CATSPERB: variants seen among roughly 807,000 people sequenced by gnomAD.
CATSPERB encodes the protein catsper channel auxiliary subunit beta, also known as cation channel sperm-associated auxiliary subunit beta.
CATSPERB carries 93 observed loss-of-function variants against 128.3 expected under a neutral mutation model. The ratio of observed to expected loss-of-function variants is 0.72; its 90% CI spans 0.61 to 0.86. The LOEUF is 0.86. Among genes scored for constraint, CATSPERB ranks in the 40% least tolerant of loss-of-function variants. The pLI is 0.00. For synonymous variants in CATSPERB, 381 were observed against 448.8 expected (o/e 0.85, Z 1.91); for missense variants, 1,153 against 1,329.5 (o/e 0.87, Z 2.06).
At chr14:91,639,853 A>G (rs1894459493) in intron 15 of CATSPERB, among the ~76,000 whole-genome samples, 1 of 152,158 alleles carries the variant, frequency 6.6e-6, no homozygotes, top group Non-Finnish European at 1.5e-5. Flanking sequence ...TAATTTCTGC[A>G]CACTGCATCC....
chr14:91,716,292 A>C (rs1895937058), intron 5 of CATSPERB, among the ~76,000 whole-genome samples: 1 of 152,216 alleles, frequency 6.6e-6, no homozygotes, highest in South Asian at 2.1e-4. Flanking sequence ...GAAAAATGCA[A>C]ATTAAAACCA....
chr14:91,702,916 T>C (rs1170303546), intron 7 of CATSPERB, among the ~76,000 whole-genome samples: 3 of 151,960 alleles, frequency 2.0e-5, no homozygotes, highest in African/African-American at 7.2e-5. Context: ...TGCAACTCCT[T>C]TTTTTATTCC....
At chr14:91,600,118 T>G (rs1477392583) in intron 22 of CATSPERB, among the ~76,000 whole-genome samples, 1 of 152,246 alleles carries the variant, frequency 6.6e-6, no homozygotes, top group African/African-American at 2.4e-5. Context: ...TCAATTCTTT[T>G]GGATATATCT....
At chr14:91,690,442 GT>G (rs1294175355) in intron 10 of CATSPERB, among the ~76,000 whole-genome samples, 10 of 152,076 alleles carry the variant, frequency 6.6e-5, no homozygotes, top group African/African-American at 2.4e-4. Context: ...TTACATTCCA[GT>G]TTTCCTCACT....
intron 4 of CATSPERB, among the ~76,000 whole-genome samples, chr14:91,721,370 A>G (rs1190093674): frequency 6.6e-6 from 1 of 152,226 alleles, no homozygotes; most frequent in African/African-American, 2.4e-5. Flanking sequence ...AGCTTTTACA[A>G]ATCAAAAACA....
At chr14:91,687,789 T>C (rs146654921) in intron 10 of CATSPERB, among the ~76,000 whole-genome samples, 29,599 of 151,924 alleles carry the variant, frequency 0.19, 3,773 homozygotes, top group South Asian at 0.44. Flanking sequence ...ACCCTATCTC[T>C]ACCAAAAATA....
At chr14:91,627,847 A>G (rs12431464) in intron 17 of CATSPERB, among the ~76,000 whole-genome samples, 12,325 of 151,984 alleles carry the variant, frequency 0.081, 975 homozygotes, top group East Asian at 0.4. Context: ...GTGTGGTGGC[A>G]CATGCCTGTA....
intron 10 of CATSPERB, among the ~76,000 whole-genome samples, chr14:91,687,950 CAAAA>C (rs11404420): frequency 0.026 from 3,035 of 117,096 alleles, 119 homozygotes; most frequent in African/African-American, 0.093. Context: ...GAGAGTGTCT[CAAAA>C]AAAAAAAAAA....
At chr14:91,605,752 C>G (rs985721581) in intron 22 of CATSPERB, among the ~76,000 whole-genome samples, 1 of 152,198 alleles carries the variant, frequency 6.6e-6, no homozygotes, top group Non-Finnish European at 1.5e-5. Context: ...ACTCTCTCCT[C>G]CTTTGTTTGG....
chr14:91,639,275 C>G, intron 15 of CATSPERB, 25 bp from the exon 16 acceptor site: 1 of 1,601,908 alleles, frequency 6.2e-7, no homozygotes, highest in Non-Finnish European at 8.5e-7. Flanking sequence ...AGAGAAGTGT[C>G]TTGATACTGA....
At chr14:91,634,961 G>C (rs1894345774) in intron 17 of CATSPERB, among the ~76,000 whole-genome samples, 1 of 151,834 alleles carries the variant, frequency 6.6e-6, no homozygotes, top group South Asian at 2.1e-4. Context: ...CAGCTCTAGA[G>C]GCTGGAAAGT....
intron 5 of CATSPERB, among the ~76,000 whole-genome samples, chr14:91,711,919 A>T (rs1441655580): frequency 6.6e-6 from 1 of 152,246 alleles, no homozygotes; most frequent in Non-Finnish European, 1.5e-5. Flanking sequence ...ACAGAAAGAC[A>T]TCTGAAAAAT....
At chr14:91,609,690 A>G (rs1233795560) in intron 21 of CATSPERB, among the ~76,000 whole-genome samples, 1 of 152,182 alleles carries the variant, frequency 6.6e-6, no homozygotes, top group Non-Finnish European at 1.5e-5. Flanking sequence ...CATTCATGAC[A>G]TATCCAACTT....
chr14:91,667,653 C>T (rs958768934), intron 14 of CATSPERB, among the ~76,000 whole-genome samples: 19 of 152,318 alleles, frequency 1.2e-4, no homozygotes, highest in Admixed American at 3.3e-4. Context: ...TCTCCAAAAC[C>T]GCCAAGGCCT....
chr14:91,636,324 C>T, intron 17 of CATSPERB, 101 bp downstream of exon 17: 3 of 1,052,354 alleles, frequency 2.9e-6, no homozygotes, highest in East Asian at 2.4e-5. Flanking sequence ...CATCGCACTA[C>T]TGCACTCCAG....
At chr14:91,685,770 T>C (rs959291515) in intron 10 of CATSPERB, among the ~76,000 whole-genome samples, 1 of 152,114 alleles carries the variant, frequency 6.6e-6, no homozygotes, top group Non-Finnish European at 1.5e-5. Context: ...GTGTGAGAAA[T>C]GTTAGCACAT....
chr14:91,595,591 A>G (rs1052969856), intron 22 of CATSPERB, among the ~76,000 whole-genome samples: 10 of 152,206 alleles, frequency 6.6e-5, no homozygotes, highest in Non-Finnish European at 1.3e-4. Context: ...GCCTGTCAGA[A>G]AATGGCATTC....
chr14:91,683,835 G>T, intron 11 of CATSPERB, 42 bp downstream of exon 11: 1 of 1,233,790 alleles, frequency 8.1e-7, no homozygotes, highest in Non-Finnish European at 1.2e-6. Flanking sequence ...ACACATATAT[G>T]TAAAAGTCTC....
chr14:91,642,677 G>T (rs1384700661), intron 15 of CATSPERB, among the ~76,000 whole-genome samples: 1 of 107,796 alleles, frequency 9.3e-6, no homozygotes, highest in Non-Finnish European at 1.9e-5. Flanking sequence ...TCTCTTTTTT[G>T]GTTGTGTCTC....
Sources: allele counts gnomAD v4.1 joint callset (sites outside exome capture counted in the v4.1 genomes callset), GRCh38; gene constraint gnomAD v4.1.1; transcripts MANE v1.5; gene names NCBI Gene and HGNC (gene_info 2026-07-23, HGNC 2026-07-21).